The following CHORDC1 variants were observed in gnomAD, a reference collection of about 807,000 sequenced individuals.
CHORDC1 encodes cysteine and histidine rich domain containing 1, also known as cysteine and histidine-rich domain-containing protein 1.
CHORDC1 carries 25 observed loss-of-function variants against 48.3 expected under a neutral mutation model. That is an observed-to-expected ratio of 0.52 (90% CI 0.38 to 0.72). The LOEUF is 0.72. CHORDC1 is among the 30% of genes least tolerant of loss of function. CHORDC1 has a pLI of 0.00. For missense variants in CHORDC1, 317 were observed against 388.7 expected (o/e 0.82, Z 1.55); for synonymous variants, 128 against 126.4 (o/e 1.01, Z -0.09).
In CHORDC1 at chr11:90,214,080, T is replaced by C. The variant is rs1488364112; in HGVS notation, c.267A>G (p.Lys89=). ...GAATGATGTGTTCCTGAAATTTGGG[T>C]TTTAATTCACATAGCTCCTTCTTCT... The part of the protein sequence containing the change: ...TTEKKELCEL[K]PKFQEHIIQA... The change falls in exon 4 of 11, where the codon AAA becomes AAG. Residue 89 remains lysine (K), a synonymous_variant. Coordinates refer to ENST00000320585, the MANE Select transcript of CHORDC1 (RefSeq NM_012124.3). 1 of 1,613,636 alleles carries C rather than the reference T, an allele frequency of 6.2e-7. No individual in the cohort carries two copies. The highest frequency in any genetic ancestry group is 2.2e-5 in the East Asian group (1 of 44,834).
intron 2 of CHORDC1, among the ~76,000 whole-genome samples, chr11:90,215,830 C>G (rs907808171): frequency 3.9e-5 from 6 of 151,956 alleles, no homozygotes; most frequent in Non-Finnish European, 8.8e-5. Flanking sequence ...TAATAATTAT[C>G]TCTAAATTCC....
chr11:90,211,990 G>T (rs1009923830), intron 4 of CHORDC1: 1 of 152,122 alleles, frequency 6.6e-6, no homozygotes, highest in African/African-American at 2.4e-5. Context: ...GACAAAAGAG[G>T]CATTTTAAAA....
intron 2 of CHORDC1, among the ~76,000 whole-genome samples, chr11:90,216,131 C>T (rs935054700): frequency 2.0e-5 from 3 of 151,980 alleles, no homozygotes; most frequent in Non-Finnish European, 2.9e-5. Flanking sequence ...ATTACTACAA[C>T]CTTAAATATA....
chr11:90,210,140 T>C (rs532328627), intron 6 of CHORDC1, among the ~76,000 whole-genome samples: 7 of 152,340 alleles, frequency 4.6e-5, no homozygotes, highest in African/African-American at 1.7e-4. Flanking sequence ...AGGGCTTTGC[T>C]GATAAGCACT....
At chr11:90,220,831 T>C (rs1206658025) in intron 1 of CHORDC1, among the ~76,000 whole-genome samples, 1 of 152,186 alleles carries the variant, frequency 6.6e-6, no homozygotes, top group African/African-American at 2.4e-5. Context: ...AATTTCTCAC[T>C]GAGCTACTCG....
At chr11:90,208,828 A>C (rs1857776890) in intron 6 of CHORDC1, 1 of 152,148 alleles carries the variant, frequency 6.6e-6, no homozygotes, top group Non-Finnish European at 1.5e-5. Context: ...TTTCAATGAA[A>C]AAGACTAAAA....
intron 4 of CHORDC1, chr11:90,213,774 T>G: frequency 2.1e-6 from 1 of 469,372 alleles, no homozygotes; most frequent in Non-Finnish European, 3.7e-6. Context: ...ACCCTGATGA[T>G]ACATGTCCCT....
At chr11:90,215,034 T>G in intron 3 of CHORDC1, 140 bp downstream of exon 3, 3 of 456,986 alleles carry the variant, frequency 6.6e-6, no homozygotes, top group Middle Eastern at 5.8e-4. Context: ...GGAAGGGAGA[T>G]GAGCTGCTTT....
intron 6 of CHORDC1, 116 bp from the exon 7 acceptor site, chr11:90,206,388 C>A: frequency 4.7e-6 from 3 of 641,436 alleles, no homozygotes; most frequent in South Asian, 3.6e-5. Context: ...ATGACAATTA[C>A]CTAGAAAATT....
intron 4 of CHORDC1, chr11:90,213,436 T>A: frequency 1.4e-6 from 1 of 698,416 alleles, no homozygotes. Flanking sequence ...TCAACAAAGG[T>A]ACTCAATATA....
Sources: gnomAD v4.1 joint callset for allele counts (sites outside exome capture counted in the v4.1 genomes callset) on GRCh38, gnomAD v4.1.1 for gene constraint, MANE v1.5 for transcripts, NCBI Gene and HGNC (gene_info 2026-07-23, HGNC 2026-07-21) for gene names.